The following THADA variants were observed in gnomAD, a reference collection of about 807,000 sequenced individuals.
THADA encodes THADA armadillo repeat containing.
A neutral mutation model predicts 219.8 loss-of-function variants in THADA; 213 were observed. That is an observed-to-expected ratio of 0.97 (90% confidence interval 0.87 to 1.09). The LOEUF (loss-of-function observed/expected upper bound fraction) is 1.09, where lower values mean the gene tolerates loss of function less well. THADA is among the 50% of genes least tolerant of loss of function. The pLI is 0.00. For missense variants in THADA, 2,956 were observed against 2,311.3 expected (o/e 1.28, Z -5.72); for synonymous variants, 1,018 against 828.9 (o/e 1.23, Z -3.92).
chr2:43,346,845 A>C (rs573126017), intron 29 of THADA, among the ~76,000 whole-genome samples: 1 of 152,316 alleles, frequency 6.6e-6, no homozygotes, highest in African/African-American at 2.4e-5. Flanking sequence ...CAGCATCGTC[A>C]TCACTTTTGT....
At chr2:43,361,670 C>T (rs1320965217) in intron 29 of THADA, among the ~76,000 whole-genome samples, 4 of 152,134 alleles carry the variant, frequency 2.6e-5, no homozygotes, top group Non-Finnish European at 5.9e-5. Context: ...GGTGATTGTC[C>T]CAGAAACTGT....
chr2:43,541,799 TTTTAA>T (rs1250475544), intron 20 of THADA, among the ~76,000 whole-genome samples: 1 of 152,166 alleles, frequency 6.6e-6, no homozygotes. Context: ...AGGCCCAGTA[TTTTAA>T]TTTATTATTT....
intron 1 of THADA, among the ~76,000 whole-genome samples, chr2:43,594,821 T>C (rs549853197): frequency 1.6e-4 from 24 of 152,264 alleles, no homozygotes; most frequent in Middle Eastern, 6.8e-3. Flanking sequence ...CTTCTCACCA[T>C]TCATGTTTCT....
intron 24 of THADA, 62 bp downstream of exon 24, chr2:43,505,560 A>G (rs974397897): frequency 3.8e-6 from 5 of 1,299,674 alleles, no homozygotes; most frequent in Non-Finnish European, 5.4e-6. Context: ...CGTCTTGAAA[A>G]AAGTGAAAAA....
chr2:43,401,427 T>C (rs966473025), intron 28 of THADA, among the ~76,000 whole-genome samples: 2 of 152,102 alleles, frequency 1.3e-5, no homozygotes, highest in African/African-American at 4.8e-5. Context: ...TACAGGCGCC[T>C]GCCACCACGC....
Position 43,428,212 on chromosome 2 carries a change from G to A in THADA, c.3946C>T (p.Arg1316Cys), listed in dbSNP as rs753284105. The A allele has an allele frequency of 2.5e-6, 4 of 1,601,092 alleles. No individual in the cohort carries two copies. Among genetic ancestry groups the A allele is most frequent in the Admixed American group, 3.4e-5 (2 of 58,904 alleles). ...TVDSDMGEPN[R>C]HPSMFLLLLV... Reference sequence around the variant, plus strand: ...AGTAAGAGAAACATGCTTGGATGACGATTTGGTTCTCCCATATCACTGAAA... The same window carrying A: ...AGTAAGAGAAACATGCTTGGATGACAATTTGGTTCTCCCATATCACTGAAA... The change falls in exon 28 of 38, where the codon CGT becomes TGT. Residue 1316 changes from arginine (R) to cysteine (C), a missense_variant. Transcript: ENST00000405975.
intron 28 of THADA, among the ~76,000 whole-genome samples, chr2:43,407,818 T>C (rs923897934): frequency 2.0e-5 from 3 of 151,986 alleles, no homozygotes; most frequent in African/African-American, 4.8e-5. Context: ...TATAATATTA[T>C]ATAAATATAT....
At chr2:43,246,414 G>C (rs942762215) in intron 36 of THADA, among the ~76,000 whole-genome samples, 4 of 152,150 alleles carry the variant, frequency 2.6e-5, no homozygotes, top group African/African-American at 9.7e-5. Context: ...AGAATCACTT[G>C]AACCCGGGAG....
intron 29 of THADA, among the ~76,000 whole-genome samples, chr2:43,352,722 A>G (rs986422143): frequency 2.0e-5 from 3 of 152,020 alleles, no homozygotes; most frequent in African/African-American, 7.3e-5. Flanking sequence ...ACTATAGTGA[A>G]ACAAATTAGC....
chr2:43,293,872 C>A (rs1675043721), intron 31 of THADA, among the ~76,000 whole-genome samples: 1 of 152,304 alleles, frequency 6.6e-6, no homozygotes, highest in East Asian at 1.9e-4. Context: ...ATGCCTCACC[C>A]TCTCTTAAAG....
In THADA at chr2:43,297,510, C is replaced by G. The variant is rs1446923806; in HGVS notation, c.4439-4297G>C. Reference sequence around the variant, plus strand: ...TCCGGGAGGGAGGTGGGCGGTCAGCCCCCCCGCCCGGCCAGCCGTGCCGTC... The same window carrying G: ...TCCGGGAGGGAGGTGGGCGGTCAGCGCCCCCGCCCGGCCAGCCGTGCCGTC... On this transcript the variant is annotated intron_variant, in intron 31 of 37. Transcript: ENST00000405975. Among the ~76,000 whole-genome samples, 5 of 104,402 alleles carry G rather than the reference C, an allele frequency of 4.8e-5. 1 individual carries two copies. Among genetic ancestry groups the G allele is most frequent in the Non-Finnish European group, 9.7e-5 (5 of 51,578 alleles). The allele number at this position is 104,402 out of a possible 152,430, so 68.5% of individuals were successfully genotyped here.
intron 29 of THADA, among the ~76,000 whole-genome samples, chr2:43,374,100 G>A (rs532518289): frequency 5.9e-5 from 9 of 152,250 alleles, no homozygotes; most frequent in African/African-American, 1.9e-4. Flanking sequence ...ACTATCAAGT[G>A]AAAGTTTAAA....
At chr2:43,268,462 T>G (rs1363760553) in intron 36 of THADA, among the ~76,000 whole-genome samples, 2 of 152,196 alleles carry the variant, frequency 1.3e-5, no homozygotes, top group African/African-American at 2.4e-5. Context: ...CTCTCCATTC[T>G]GCTCTTCTGC....
Position 43,293,216 on chromosome 2 carries a change from A to G in THADA, c.4439-3T>C, listed in dbSNP as rs371521167. On this transcript the variant is annotated splice_polypyrimidine_tract_variant and splice_region_variant and intron_variant, in intron 31 of 37. Coordinates refer to ENST00000405975, the MANE Select transcript of THADA (RefSeq NM_022065.5). ...CCAGAAGCCAAGACTCTCCAGAACT[A>G]AGAAGCAAAAAAAGCAAAAGGGAAA... The G allele has an allele frequency of 6.3e-7, 1 of 1,590,626 alleles. No homozygotes were observed. The highest frequency in any genetic ancestry group is 1.4e-5 in the African/African-American group (1 of 73,968).
At chr2:43,436,391 T>TC (rs941947961) in intron 26 of THADA, among the ~76,000 whole-genome samples, 1 of 152,090 alleles carries the variant, frequency 6.6e-6, no homozygotes, top group African/African-American at 2.4e-5. Context: ...GCTCTGCTCT[T>TC]CCCCCAAACT....
At chr2:43,569,261 G>A (rs139308974) in intron 14 of THADA, among the ~76,000 whole-genome samples, 20 of 152,304 alleles carry the variant, frequency 1.3e-4, no homozygotes, top group African/African-American at 4.3e-4. Flanking sequence ...ATAGGCATGA[G>A]CCACCACTAG....
chr2:43,556,411 T>A lies in THADA; in HGVS notation c.2608A>T (p.Thr870Ser). Residue 870 changes from threonine to serine, a missense_variant, in exon 17 of 38, where the codon ACT becomes TCT. Transcript: ENST00000405975. ...CCATTATCACATGCAACTTGCTGAG[T>A]TAAGTAGGCAGACAAGGATGACGGT... ...ALPSSLSAYLTQQVACDNGDR... is the reference protein window; with the variant it reads ...ALPSSLSAYLSQQVACDNGDR... 1 of 1,613,782 alleles carries A rather than the reference T, an allele frequency of 6.2e-7. No individual in the cohort carries two copies. Among genetic ancestry groups the A allele is most frequent in the Non-Finnish European group, 8.5e-7 (1 of 1,179,810 alleles).
chr2:43,591,010 T>A, intron 3 of THADA, 56 bp from the exon 4 acceptor site: 1 of 1,521,106 alleles, frequency 6.6e-7, no homozygotes, highest in Admixed American at 1.8e-5. Context: ...CAAAGTAACA[T>A]GGTTACAGAT....
chr2:43,348,436 C>T (rs1667887045), intron 29 of THADA, among the ~76,000 whole-genome samples: 1 of 152,198 alleles, frequency 6.6e-6, no homozygotes, highest in Non-Finnish European at 1.5e-5. Context: ...AAAATACTTA[C>T]TGAACCCAAA....
Sources: gnomAD v4.1 joint callset for allele counts (sites outside exome capture counted in the v4.1 genomes callset) on GRCh38, gnomAD v4.1.1 for gene constraint, MANE v1.5 for transcripts, NCBI Gene and HGNC (gene_info 2026-07-23, HGNC 2026-07-21) for gene names.